The following KDM8 variants were observed in gnomAD, a reference collection of about 807,000 sequenced individuals.
KDM8 encodes lysine demethylase 8, also known as bifunctional peptidase and arginyl-hydroxylase JMJD5.
Under a neutral mutation model 46.9 loss-of-function variants are expected in KDM8, and 35 were observed. The ratio of observed to expected loss-of-function variants is 0.75; its 90% CI spans 0.57 to 0.99. The LOEUF (loss-of-function observed/expected upper bound fraction) is 0.99. Among genes scored for constraint, KDM8 ranks in the 50% least tolerant of loss-of-function variants. The pLI is 0.00. For missense variants in KDM8, 475 were observed against 537.0 expected, an observed-to-expected ratio of 0.88 and a Z score of 1.14; for synonymous variants, 232 against 227.7, an observed-to-expected ratio of 1.02 and a Z score of -0.17.
chr16:27,218,838 C>A, intron 5 of KDM8, 123 bp from the exon 6 acceptor site: 1 of 1,130,790 alleles, frequency 8.8e-7, no homozygotes, highest in Non-Finnish European at 1.3e-6. Context: ...CAGAGCCAGA[C>A]CCTGTCTCAA....
In KDM8 at chr16:27,210,240, G is replaced by C; in HGVS notation, c.117G>C (p.Glu39Asp). ...SKEDLKLDLG[E>D]KVERSVVTLL... ...AAGACCTGAAGTTGGACCTCGGGGAGAAAGTGGAGAGGAGCGTGGTGACAT... is the reference window on the plus strand; with the variant it reads ...AAGACCTGAAGTTGGACCTCGGGGACAAAGTGGAGAGGAGCGTGGTGACAT... The change falls in exon 2 of 8, where the codon GAG becomes GAC. Residue 39 changes from glutamate (E) to aspartate (D), a missense_variant. Transcript: ENST00000286096. The C allele has an allele frequency of 6.2e-7, 1 of 1,613,308 alleles. No individual in the cohort carries two copies. Among genetic ancestry groups the C allele is most frequent in the South Asian group, 1.1e-5 (1 of 91,088 alleles).
intron 2 of KDM8, among the ~76,000 whole-genome samples, chr16:27,213,002 G>A (rs961071386): frequency 2.6e-5 from 4 of 152,276 alleles, no homozygotes; most frequent in Admixed American, 1.3e-4. Flanking sequence ...TTCCCAGCAG[G>A]TTCACACCTG....
chr16:27,218,001 T>A (rs949808319), intron 5 of KDM8, among the ~76,000 whole-genome samples: 4 of 152,104 alleles, frequency 2.6e-5, no homozygotes, highest in African/African-American at 9.7e-5. Context: ...GTTTTCACTC[T>A]GAGACCCTGG....
chr16:27,218,511 G>A (rs1193054428), intron 5 of KDM8, among the ~76,000 whole-genome samples: 1 of 152,176 alleles, frequency 6.6e-6, no homozygotes, highest in African/African-American at 2.4e-5. Flanking sequence ...GCCAGGTATG[G>A]CAACAAATCC....
intron 4 of KDM8, among the ~76,000 whole-genome samples, chr16:27,215,294 TAGC>T (rs1370233437): frequency 6.6e-6 from 1 of 152,142 alleles, no homozygotes; most frequent in Admixed American, 6.5e-5. Context: ...AAATTTTTAA[TAGC>T]AGCCAGGCAT....
intron 4 of KDM8, 105 bp from the exon 5 acceptor site, chr16:27,215,824 GGATGGAGTGGAAGGGT>G: frequency 9.8e-7 from 1 of 1,017,716 alleles, no homozygotes; most frequent in Non-Finnish European, 1.6e-6. Flanking sequence ...GGACCACTCA[GGATGGAGTGGAAGGGT>G]GACGGGTGCT....
chr16:27,204,427 G>A (rs2083408317), intron 1 of KDM8: 5 of 1,152,898 alleles, frequency 4.3e-6, no homozygotes, highest in Non-Finnish European at 5.5e-6. Flanking sequence ...AAAGCTTTCT[G>A]GAAAATGTTC....
intron 1 of KDM8, 25 bp downstream of exon 1, chr16:27,203,661 G>C (rs2083395832): frequency 1.2e-5 from 2 of 164,316 alleles, no homozygotes; most frequent in African/African-American, 2.4e-5. Context: ...CTCGAGAGCG[G>C]AGTCAGCTCC....
rs762611291 is a variant in KDM8 at position 27,220,398 on chromosome 16, GGGGA to G, written c.1002_1005del (p.Arg335SerfsTer61). 6.2e-7 allele frequency: 1 copy of G among 1,613,782 alleles called. No individual in the cohort carries two copies. Among genetic ancestry groups the G allele is most frequent in the Non-Finnish European group, 8.5e-7 (1 of 1,179,756 alleles). ...GTCAGGGTCTCTCTCCCCAGGTGAT[GGGGA>G]GGAAGTACATCCGGCTGTATTCCCC... On this transcript the variant is annotated frameshift_variant, in exon 7 of 8. Transcript: ENST00000286096. LOFTEE classifies it high-confidence loss of function.
At chr16:27,211,395 G>T in intron 2 of KDM8, 1 of 342,848 alleles carries the variant, frequency 2.9e-6, no homozygotes. Context: ...CCACCCCTTG[G>T]GTCTATGTGC....
Position 27,214,939 on chromosome 16 carries a change from C to G in KDM8, c.729C>G (p.Tyr243Ter). 1 of 1,614,182 alleles carries G rather than the reference C, an allele frequency of 6.2e-7. No homozygotes were observed. Among genetic ancestry groups the G allele is most frequent in the South Asian group, 1.1e-5 (1 of 91,088 alleles). ...RTVPVEVGSRYTDEEWSQTLM... is the reference protein window; with the variant it reads ...RTVPVEVGSR ...TCCCAGTGGAAGTTGGTTCGAGGTA[C>G]ACAGATGAGGAATGGTCCCAGACCC... is the stretch of plus-strand genomic sequence containing the variant. Residue 243 changes from tyrosine to a stop codon, truncating the protein, a stop_gained, in exon 4 of 8, where the codon TAC becomes TAG. Coordinates refer to ENST00000286096, the MANE Select transcript of KDM8 (RefSeq NM_024773.3). LOFTEE classifies it high-confidence loss of function.
chr16:27,209,875 C>T (rs138120629), intron 1 of KDM8, among the ~76,000 whole-genome samples: 217 of 152,316 alleles, frequency 1.4e-3, no homozygotes, highest in Middle Eastern at 3.4e-3. Flanking sequence ...TCTGAACAGA[C>T]GTTTATCCAG....
At chr16:27,216,468 C>T (rs1005571592) in intron 5 of KDM8, among the ~76,000 whole-genome samples, 2 of 152,200 alleles carry the variant, frequency 1.3e-5, no homozygotes, top group South Asian at 4.1e-4. Context: ...CCCAGGAAGG[C>T]AGCCCTTGGC....
chr16:27,218,577 C>CA (rs940272077), intron 5 of KDM8, among the ~76,000 whole-genome samples: 2 of 152,194 alleles, frequency 1.3e-5, no homozygotes, highest in African/African-American at 4.8e-5. Context: ...TGCGGTGGCT[C>CA]ACGCCTGTAA....
At position 27,220,887 on chromosome 16, in the gene KDM8, T is replaced by G; in HGVS notation, c.*157T>G. ...GCCCTGGGGGGCTGAGCTCCAGCAC[T>G]GGACAGGCACAGAGCAGGGGCTGCC... On this transcript the variant is annotated 3_prime_UTR_variant, in exon 8 of 8. Coordinates refer to ENST00000286096, the MANE Select transcript of KDM8 (RefSeq NM_024773.3). 2 of 863,648 alleles carry G rather than the reference T, an allele frequency of 2.3e-6. No individual in the cohort carries two copies. Among genetic ancestry groups the G allele is most frequent in the South Asian group, 2.8e-5 (2 of 72,412 alleles). 53.5% of individuals were successfully genotyped at this position (863,648 alleles called of 1,614,324 possible). A position where few individuals can be genotyped will look rare whatever the true frequency, so the allele number is the denominator to read the frequency against.
Position 27,216,031 on chromosome 16 carries a change from C to T in KDM8, c.843+42C>T, listed in dbSNP as rs756770910. On this transcript the variant is annotated intron_variant, in intron 5 of 7. Coordinates refer to ENST00000286096, the MANE Select transcript of KDM8 (RefSeq NM_024773.3). ...GCACCTCTGCCCCTCACCGTCTCAC[C>T]TTCCCCTCTCCTCCCCTCCTGGGCT... The T allele has an allele frequency of 5.6e-6, 9 of 1,605,650 alleles. No homozygotes were observed. In the South Asian group the frequency reaches 7.7e-5, roughly 14 times the overall value.
At chr16:27,206,644 G>T (rs1025653663) in intron 1 of KDM8, among the ~76,000 whole-genome samples, 2 of 152,178 alleles carry the variant, frequency 1.3e-5, no homozygotes, top group East Asian at 3.9e-4. Context: ...AGGCCATAAG[G>T]CTACTCTGGC....
At chr16:27,218,813 C>A in intron 5 of KDM8, 148 bp from the exon 6 acceptor site, 1 of 908,566 alleles carries the variant, frequency 1.1e-6, no homozygotes, top group Non-Finnish European at 1.7e-6. Context: ...CGCCACTGCA[C>A]TCCAGCCTGA....
chr16:27,212,354 T>C (rs1428615185), intron 2 of KDM8, among the ~76,000 whole-genome samples: 1 of 152,174 alleles, frequency 6.6e-6, no homozygotes, highest in Non-Finnish European at 1.5e-5. Flanking sequence ...GCCAAGGGCA[T>C]GGGGTGTGGG....
Sources: gnomAD v4.1 joint callset for allele counts (sites outside exome capture counted in the v4.1 genomes callset) on GRCh38, gnomAD v4.1.1 for gene constraint, MANE v1.5 for transcripts, NCBI Gene and HGNC (gene_info 2026-07-23, HGNC 2026-07-21) for gene names.